ARHGEF37: variants seen among roughly 807,000 people sequenced by gnomAD.
The protein encoded by ARHGEF37 is Rho guanine nucleotide exchange factor (GEF) 37.
A neutral mutation model predicts 71.1 loss-of-function variants in ARHGEF37; 55 were observed. The ratio of observed to expected loss-of-function variants is 0.77; its 90% CI spans 0.62 to 0.97. The LOEUF (loss-of-function observed/expected upper bound fraction) is 0.97. Among genes scored for constraint, ARHGEF37 ranks in the 50% least tolerant of loss-of-function variants. The pLI is 0.00. For synonymous variants in ARHGEF37, 327 were observed against 350.6 expected, an observed-to-expected ratio of 0.93 and a Z score of 0.75; for missense variants, 765 against 836.8, an observed-to-expected ratio of 0.91 and a Z score of 1.06.
At chr5:149,575,671 ATTTTTTTT>A (rs751297275) in intron 1 of ARHGEF37, among the ~76,000 whole-genome samples, 4 of 107,284 alleles carry the variant, frequency 3.7e-5, no homozygotes, top group African/African-American at 6.8e-5. Context: ...CCAAATGACT[ATTTTTTTT>A]TTTTTTTTTT....
intron 1 of ARHGEF37, among the ~76,000 whole-genome samples, chr5:149,588,591 C>A (rs1406648473): frequency 6.6e-6 from 1 of 152,186 alleles, no homozygotes; most frequent in Non-Finnish European, 1.5e-5. Context: ...AGCCACCATG[C>A]CCGGCCCCTT....
chr5:149,595,437 T>C (rs537703600), intron 1 of ARHGEF37, among the ~76,000 whole-genome samples: 26 of 152,320 alleles, frequency 1.7e-4, no homozygotes, highest in African/African-American at 6.3e-4. Flanking sequence ...TGCCTTAGCC[T>C]CCCAAAGTTC....
At chr5:149,563,603 CTGT>C (rs1376740704) in intron 1 of ARHGEF37, among the ~76,000 whole-genome samples, 2 of 152,188 alleles carry the variant, frequency 1.3e-5, no homozygotes, top group African/African-American at 4.8e-5. Flanking sequence ...TACTCTGCTG[CTGT>C]TATTATTAGG....
At chr5:149,570,127 T>G (rs1373686591) in intron 1 of ARHGEF37, among the ~76,000 whole-genome samples, 1 of 152,242 alleles carries the variant, frequency 6.6e-6, no homozygotes, top group Admixed American at 6.5e-5. Flanking sequence ...TCACGGATGA[T>G]ATGATTTTGT....
intron 3 of ARHGEF37, among the ~76,000 whole-genome samples, chr5:149,608,297 TGACATATATAATAAATATATTACATA>T (rs942236591): frequency 1.0e-3 from 6 of 5,884 alleles, no homozygotes; most frequent in African/African-American, 2.1e-3. Context: ...ATATGTAATA[TGACATATATAATAAATATATTACATA>T]TGTAATATGA....
chr5:149,582,668 T>TAAAGA (rs3073426), intron 1 of ARHGEF37, among the ~76,000 whole-genome samples: 79,624 of 151,456 alleles, frequency 0.53, 21,447 homozygotes, highest in Admixed American at 0.64. Context: ...GGTTCTAGCA[T>TAAAGA]AAAGACAAAT....
Position 149,569,124 on chromosome 5 carries a change from C to T in ARHGEF37, c.-12+17001C>T, listed in dbSNP as rs116954767. Reference sequence around the variant, plus strand: ...AGTACTTTGTTGTTTGGATGTGACACAGTTTATCCTTTATACTGTAAGTGG... The same window carrying T: ...AGTACTTTGTTGTTTGGATGTGACATAGTTTATCCTTTATACTGTAAGTGG... On this transcript the variant is annotated intron_variant, in intron 1 of 2. Transcript: ENST00000505810. Among the ~76,000 whole-genome samples the T allele has an allele frequency of 3.4e-3, 510 of 151,956 alleles. 27 individuals are homozygous for T. In the East Asian group the frequency reaches 0.089, roughly 27 times the overall value.
chr5:149,558,482 G>A (rs530635204), intron 1 of ARHGEF37, among the ~76,000 whole-genome samples: 5 of 152,240 alleles, frequency 3.3e-5, no homozygotes, highest in Non-Finnish European at 7.4e-5. Flanking sequence ...CTCCAGCCTG[G>A]GCGACAGAGC....
intron 1 of ARHGEF37, among the ~76,000 whole-genome samples, chr5:149,565,888 T>C (rs972833729): frequency 6.9e-6 from 1 of 144,814 alleles, no homozygotes; most frequent in Admixed American, 7.1e-5. Flanking sequence ...TCCCTCTTGT[T>C]GCCCAGGCTA....
chr5:149,571,454 A>T (rs1438957223), intron 1 of ARHGEF37, among the ~76,000 whole-genome samples: 2 of 152,174 alleles, frequency 1.3e-5, no homozygotes, highest in African/African-American at 4.8e-5. Context: ...CTACACTGAA[A>T]ACTATAAAAC....
At chr5:149,598,263 C>CTCTTCT (rs70973531) in intron 2 of ARHGEF37, among the ~76,000 whole-genome samples, 3,433 of 67,490 alleles carry the variant, frequency 0.051, 276 homozygotes, top group African/African-American at 0.053. Context: ...CTTAAACTGA[C>CTCTTCT]TCTTCTTCTT....
At chr5:149,603,152 C>G (rs537679682) in intron 3 of ARHGEF37, among the ~76,000 whole-genome samples, 3 of 152,028 alleles carry the variant, frequency 2.0e-5, no homozygotes, top group Non-Finnish European at 2.9e-5. Flanking sequence ...AGGCTGGTCT[C>G]GAGCTCCTGA....
chr5:149,568,355 A>G (rs1012940273), intron 1 of ARHGEF37, among the ~76,000 whole-genome samples: 6 of 152,170 alleles, frequency 3.9e-5, no homozygotes, highest in Non-Finnish European at 7.3e-5. Context: ...TAAAATGTAC[A>G]GAAGATAGAT....
intron 1 of ARHGEF37, among the ~76,000 whole-genome samples, chr5:149,574,233 C>T (rs193219169): frequency 7.9e-5 from 12 of 152,288 alleles, no homozygotes; most frequent in Admixed American, 5.9e-4. Context: ...CATGCAGTTT[C>T]TAGCAGAGGT....
intron 1 of ARHGEF37, among the ~76,000 whole-genome samples, chr5:149,565,063 G>A (rs1287186458): frequency 6.6e-6 from 1 of 152,186 alleles, no homozygotes; most frequent in East Asian, 1.9e-4. Flanking sequence ...CAGTCAAGGA[G>A]GCCAAAATAA....
intron 8 of ARHGEF37, among the ~76,000 whole-genome samples, chr5:149,621,481 T>TCTTA (rs1310884672): frequency 6.6e-6 from 1 of 152,042 alleles, no homozygotes; most frequent in African/African-American, 2.4e-5. Flanking sequence ...TGCATAATAA[T>TCTTA]GATTCAAAGT....
chr5:149,620,045 C>T (rs1752490169), intron 7 of ARHGEF37, among the ~76,000 whole-genome samples: 1 of 150,308 alleles, frequency 6.7e-6, no homozygotes, highest in Non-Finnish European at 1.5e-5. Context: ...TGCACACCAG[C>T]CTGGGTGACA....
chr5:149,599,299 C>T (rs60711347), intron 2 of ARHGEF37, among the ~76,000 whole-genome samples: 1,534 of 152,304 alleles, frequency 0.01, 24 homozygotes, highest in African/African-American at 0.035. Context: ...GACACAGAGG[C>T]CTGCTCAGCC....
At position 149,634,642 on chromosome 5, in the gene ARHGEF37, C is replaced by G. The variant is rs978500409; in HGVS notation, c.*2451C>G. On this transcript the variant is annotated 3_prime_UTR_variant, in exon 13 of 13. Transcript: ENST00000333677. ...TCTCCAGGGGAATCTGTGTAATGTGCCTTTTCCCTCTCCAAATGCCTAGAA... is the reference window on the plus strand; with the variant it reads ...TCTCCAGGGGAATCTGTGTAATGTGGCTTTTCCCTCTCCAAATGCCTAGAA... The G allele has an allele frequency of 6.6e-6, 1 of 152,532 alleles. No homozygotes were observed. Among genetic ancestry groups the G allele is most frequent in the South Asian group, 2.1e-4 (1 of 4,832 alleles). The allele number at this position is 152,532 out of a possible 1,614,324, so 9.4% of individuals were successfully genotyped here. A position where few individuals can be genotyped will look rare whatever the true frequency, so the allele number is the denominator to read the frequency against.
Sources: allele counts gnomAD v4.1 joint callset (sites outside exome capture counted in the v4.1 genomes callset), GRCh38; gene constraint gnomAD v4.1.1; transcripts MANE v1.5; gene names NCBI Gene and HGNC (gene_info 2026-07-23, HGNC 2026-07-21).